The following TNFSF4 variants were observed in gnomAD, a reference collection of about 807,000 sequenced individuals.
TNFSF4 encodes TNF superfamily member 4, also known as tumor necrosis factor ligand superfamily member 4.
TNFSF4 carries 4 observed loss-of-function variants against 7.3 expected under a neutral mutation model. The observed-to-expected ratio is 0.55, with a 90% CI of 0.27 to 1.25. The LOEUF (loss-of-function observed/expected upper bound fraction) is 1.25. Ranked by LOEUF, TNFSF4 falls within the 50% of genes most tolerant of loss-of-function variation. The pLI is 0.12. For synonymous variants in TNFSF4, 76 were observed against 83.7 expected, an observed-to-expected ratio of 0.91 and a Z score of 0.50; for missense variants, 181 against 208.8, an observed-to-expected ratio of 0.87 and a Z score of 0.82.
At chr1:173,362,609 G>T in the TNFSF4 span, 1 of 498,754 alleles carries the variant, frequency 2.0e-6, no homozygotes, top group Non-Finnish European at 4.0e-6. Context: ...TCCTGGGTAA[G>T]TTTTGCATGC....
the TNFSF4 span, among the ~76,000 whole-genome samples, chr1:173,241,419 A>C: frequency 6.6e-6 from 1 of 152,222 alleles, no homozygotes; most frequent in South Asian, 2.1e-4. Flanking sequence ...TTAGCAAGGG[A>C]CTACGAGCAT....
chr1:173,321,965 T>C, the TNFSF4 span, among the ~76,000 whole-genome samples: 1 of 152,158 alleles, frequency 6.6e-6, no homozygotes, highest in African/African-American at 2.4e-5. Flanking sequence ...CATTACTGAG[T>C]ATATACCCAA....
At chr1:173,355,285 C>T in the TNFSF4 span, among the ~76,000 whole-genome samples, 1 of 152,206 alleles carries the variant, frequency 6.6e-6, no homozygotes, top group Non-Finnish European at 1.5e-5. Context: ...AATTTAATCA[C>T]ATCTGCAAAG....
At chr1:173,330,011 A>G in the TNFSF4 span, among the ~76,000 whole-genome samples, 3 of 152,164 alleles carry the variant, frequency 2.0e-5, no homozygotes, top group African/African-American at 7.2e-5. Flanking sequence ...ATGTAAACAG[A>G]TCAGCTCCTG....
At chr1:173,224,200 C>T in the TNFSF4 span, among the ~76,000 whole-genome samples, 1 of 152,184 alleles carries the variant, frequency 6.6e-6, no homozygotes, top group Admixed American at 6.5e-5. Flanking sequence ...AGTAAGTGTC[C>T]ATTGCCCTAT....
At chr1:173,225,921 C>T in the TNFSF4 span, among the ~76,000 whole-genome samples, 3 of 152,096 alleles carry the variant, frequency 2.0e-5, no homozygotes, top group African/African-American at 7.2e-5. Context: ...TCTAATCATC[C>T]TACTAGAAAA....
the TNFSF4 span, among the ~76,000 whole-genome samples, chr1:173,450,216 G>A: frequency 2.0e-5 from 3 of 151,920 alleles, no homozygotes; most frequent in Non-Finnish European, 4.4e-5. Flanking sequence ...ATTCATTCAG[G>A]AAGAAAAAAG....
At chr1:173,183,637 T>C (rs1406688194), downstream of TNFSF4, 1 of 152,096 alleles carries the variant, frequency 6.6e-6, no homozygotes, top group Non-Finnish European at 1.5e-5. Flanking sequence ...AGTAGGAAAC[T>C]GGAAAGCTTG....
chr1:173,338,213 G>A, the TNFSF4 span, among the ~76,000 whole-genome samples: 1 of 152,072 alleles, frequency 6.6e-6, no homozygotes, highest in Non-Finnish European at 1.5e-5. Context: ...TACACTAAAT[G>A]GCTTCCATCA....
chr1:173,197,618 T>C (rs1571196214), intron 1 of TNFSF4, among the ~76,000 whole-genome samples: 2 of 152,144 alleles, frequency 1.3e-5, no homozygotes, highest in East Asian at 1.9e-4. Flanking sequence ...TTCTCACTTA[T>C]AAGTGGGAGC....
At chr1:173,311,118 G>T in the TNFSF4 span, among the ~76,000 whole-genome samples, 2 of 151,880 alleles carry the variant, frequency 1.3e-5, no homozygotes. Context: ...AATGTTGTTA[G>T]TGATCAGATT....
chr1:173,240,950 A>C, the TNFSF4 span, among the ~76,000 whole-genome samples: 1 of 152,186 alleles, frequency 6.6e-6, no homozygotes, highest in African/African-American at 2.4e-5. Flanking sequence ...AGTATTTACT[A>C]ACCATCAGGA....
intron 1 of TNFSF4, among the ~76,000 whole-genome samples, chr1:173,196,504 C>A (rs1649703708): frequency 6.6e-6 from 1 of 152,150 alleles, no homozygotes; most frequent in Non-Finnish European, 1.5e-5. Context: ...ACCTCTCTCT[C>A]TAACCACTTC....
chr1:173,224,613 T>C, the TNFSF4 span, among the ~76,000 whole-genome samples: 2 of 152,002 alleles, frequency 1.3e-5, no homozygotes, highest in African/African-American at 4.8e-5. Flanking sequence ...GTAAGGAAAA[T>C]CAGGTTCAGA....
the TNFSF4 span, among the ~76,000 whole-genome samples, chr1:173,399,088 T>C: frequency 6.6e-6 from 1 of 152,118 alleles, no homozygotes; most frequent in East Asian, 1.9e-4. Flanking sequence ...CACCAAGCCA[T>C]AAAGTTGGGT....
At chr1:173,277,138 C>A in the TNFSF4 span, among the ~76,000 whole-genome samples, 1 of 152,116 alleles carries the variant, frequency 6.6e-6, no homozygotes, top group Admixed American at 6.6e-5. Flanking sequence ...AAAAAGAAAG[C>A]AGCACGTGGT....
chr1:173,403,541 C>T, the TNFSF4 span, among the ~76,000 whole-genome samples: 3 of 152,166 alleles, frequency 2.0e-5, no homozygotes, highest in African/African-American at 4.8e-5. Context: ...GATCTACATA[C>T]GTAACAATTG....
the TNFSF4 span, among the ~76,000 whole-genome samples, chr1:173,431,602 T>A: frequency 1.3e-5 from 2 of 152,268 alleles, no homozygotes. Flanking sequence ...AAAGGCTGGC[T>A]GCTACAAAGA....
At chr1:173,394,287 A>T in the TNFSF4 span, among the ~76,000 whole-genome samples, 3 of 151,908 alleles carry the variant, frequency 2.0e-5, no homozygotes, top group South Asian at 6.2e-4. Flanking sequence ...AAATGTTAAG[A>T]CTTGATCCTG....
Sources: allele counts gnomAD v4.1 joint callset (sites outside exome capture counted in the v4.1 genomes callset), GRCh38; gene constraint gnomAD v4.1.1; transcripts MANE v1.5; gene names NCBI Gene and HGNC (gene_info 2026-07-23, HGNC 2026-07-21).